KHDC1: variants seen among roughly 807,000 people sequenced by gnomAD.
KHDC1 encodes the protein KH domain containing 1, also known as KH homology domain-containing protein 1.
Under a neutral mutation model 24.7 loss-of-function variants are expected in KHDC1, and 21 were observed. The ratio of observed to expected loss-of-function variants is 0.85; its 90% CI spans 0.60 to 1.23. The LOEUF (loss-of-function observed/expected upper bound fraction) is 1.23, where lower values mean the gene tolerates loss of function less well. KHDC1 is among the 50% of genes most tolerant of loss of function. The pLI is 0.00. For missense variants in KHDC1, 274 were observed against 298.5 expected, an observed-to-expected ratio of 0.92 and a Z score of 0.61; for synonymous variants, 98 against 111.7, an observed-to-expected ratio of 0.88 and a Z score of 0.77.
intron 2 of KHDC1, chr6:73,290,642 G>T: frequency 2.0e-6 from 1 of 499,366 alleles, no homozygotes. Flanking sequence ...GTCATATCCT[G>T]CAGGAATACT....
intron 2 of KHDC1, among the ~76,000 whole-genome samples, chr6:73,289,909 G>A (rs904316616): frequency 1.3e-5 from 2 of 151,640 alleles, no homozygotes; most frequent in Admixed American, 1.3e-4. Context: ...GACCATCCTG[G>A]CTAACAAGGT....
At chr6:73,259,279 G>GTTTTTTTTTTTTTTT (rs1214004322) in intron 2 of KHDC1, among the ~76,000 whole-genome samples, 1 of 107,496 alleles carries the variant, frequency 9.3e-6, no homozygotes, top group Non-Finnish European at 1.8e-5. Flanking sequence ...AATCCAATAT[G>GTTTTTTTTTTTTTTT]CTTTTTTTTT....
At chr6:73,302,337 T>C (rs529533899) in intron 1 of KHDC1, among the ~76,000 whole-genome samples, 11 of 152,264 alleles carry the variant, frequency 7.2e-5, no homozygotes, top group African/African-American at 2.6e-4. Flanking sequence ...TGAATCAAAA[T>C]ACAGTCATGC....
intron 1 of KHDC1, among the ~76,000 whole-genome samples, chr6:73,295,377 A>AT (rs1421141066): frequency 1.3e-5 from 2 of 152,030 alleles, no homozygotes; most frequent in African/African-American, 2.4e-5. Flanking sequence ...AATCTCAGGT[A>AT]TTTTTTTTAC....
rs1347019173 is a variant in KHDC1, at chr6:73,242,049, ACCTACCT to A, written c.513_514+5del. The A allele has an allele frequency of 6.2e-7, 1 of 1,607,962 alleles. No individual in the cohort carries two copies. On this transcript the variant is annotated splice_donor_variant and splice_donor_5th_base_variant and coding_sequence_variant and intron_variant, in exon 4 of 5. Coordinates refer to ENST00000370384, the Ensembl canonical transcript of KHDC1. LOFTEE classifies it high-confidence loss of function. ...CTAAAACCACAGTTCAGCCAAGGAT[ACCTACCT>A]CGAGCATGATGATAGGAGTCCTGGC...
In KHDC1 at chr6:73,297,684, G is replaced by A. The variant is rs377242285; in HGVS notation, c.164-5644C>T. Among the ~76,000 whole-genome samples the A allele has an allele frequency of 3.2e-4, 49 of 152,206 alleles. No homozygotes were observed. In the South Asian group the frequency reaches 8.5e-3, roughly 26 times the overall value. ...AAATTGATTTTTGAACAAAATCAAT[G>A]TATATGCTTTTAAGTGTTCTTTCTT... On this transcript the variant is annotated intron_variant, in intron 1 of 4. Coordinates refer to ENST00000370384, the Ensembl canonical transcript of KHDC1.
chr6:73,281,179 A>T lies in KHDC1; in HGVS notation c.206+10819T>A, dbSNP rs1348325671. Reference sequence around the variant, plus strand: ...ACATGGAGAAACCTTGTCTCTACTAAAAATAGAAATTTAGCCAGGCGTGGT... The same window carrying T: ...ACATGGAGAAACCTTGTCTCTACTATAAATAGAAATTTAGCCAGGCGTGGT... On this transcript the variant is annotated intron_variant, in intron 2 of 4. Transcript: ENST00000370384. Among the ~76,000 whole-genome samples, 9 of 152,176 alleles carry T rather than the reference A, an allele frequency of 5.9e-5. No individual in the cohort carries two copies. The East Asian group carries it at 1.5e-3, about 26-fold the overall frequency.
At chr6:73,300,912 A>C (rs1207724151) in intron 1 of KHDC1, 1 of 152,246 alleles carries the variant, frequency 6.6e-6, no homozygotes, top group Non-Finnish European at 1.5e-5. Context: ...CAAAATCTTG[A>C]GAAGACACGA....
At chr6:73,292,508 G>T in intron 1 of KHDC1, 1 of 769,916 alleles carries the variant, frequency 1.3e-6, no homozygotes, top group Non-Finnish European at 2.4e-6. Flanking sequence ...GCAGAATTGG[G>T]ATGCAGACAT....
intron 4 of KHDC1, 150 bp from the exon 4 acceptor site, chr6:73,241,878 C>T: frequency 9.4e-7 from 1 of 1,065,028 alleles, no homozygotes; most frequent in Admixed American, 2.7e-5. Context: ...GCTACCTCTC[C>T]ACCTTAAGCA....
intron 2 of KHDC1, among the ~76,000 whole-genome samples, chr6:73,289,958 G>T (rs1354445487): frequency 4.2e-5 from 6 of 142,990 alleles, no homozygotes; most frequent in Non-Finnish European, 9.1e-5. Flanking sequence ...AAATTAGCCG[G>T]GCGCGGTGGC....
intron 2 of KHDC1, among the ~76,000 whole-genome samples, chr6:73,261,271 C>T (rs1424797518): frequency 2.6e-5 from 4 of 151,474 alleles, no homozygotes; most frequent in Non-Finnish European, 4.4e-5. Flanking sequence ...GGTGAAACCC[C>T]GTCTTTACTA....
intron 2 of KHDC1, among the ~76,000 whole-genome samples, chr6:73,266,170 A>T (rs1023726389): frequency 6.6e-6 from 1 of 152,190 alleles, no homozygotes; most frequent in Non-Finnish European, 1.5e-5. Context: ...AAATCCAAAG[A>T]TTAGTTGTGA....
chr6:73,286,598 G>A (rs148349390), intron 2 of KHDC1, among the ~76,000 whole-genome samples: 74 of 152,118 alleles, frequency 4.9e-4, no homozygotes, highest in African/African-American at 1.6e-3. Context: ...AGAACCAGAT[G>A]GGGCAGAGCA....
intron 1 of KHDC1, among the ~76,000 whole-genome samples, chr6:73,293,793 G>A (rs990537946): frequency 8.5e-5 from 13 of 152,070 alleles, no homozygotes; most frequent in African/African-American, 3.1e-4. Flanking sequence ...GATCACCTGA[G>A]GTCAAGAGTT....
chr6:73,273,338 T>G (rs1767216629), intron 2 of KHDC1, among the ~76,000 whole-genome samples: 1 of 150,732 alleles, frequency 6.6e-6, no homozygotes, highest in Admixed American at 6.6e-5. Flanking sequence ...CAGCTAATTT[T>G]TGTATTTTCA....
intron 2 of KHDC1, among the ~76,000 whole-genome samples, chr6:73,261,767 C>G (rs889878920): frequency 1.3e-5 from 2 of 152,066 alleles, no homozygotes; most frequent in African/African-American, 4.8e-5. Context: ...CAAAAATTAG[C>G]TGGGCATGGT....
At chr6:73,243,626 C>T (rs1766614909) in intron 2 of KHDC1, among the ~76,000 whole-genome samples, 17 of 152,210 alleles carry the variant, frequency 1.1e-4, no homozygotes, top group Admixed American at 1.1e-3. Flanking sequence ...ATCCTAGCAA[C>T]AGGTTGCAAA....
At chr6:73,278,009 G>GTTTTT (rs70994182) in intron 2 of KHDC1, among the ~76,000 whole-genome samples, 5 of 106,352 alleles carry the variant, frequency 4.7e-5, no homozygotes, top group South Asian at 3.0e-4. Context: ...TCTCTCGGGT[G>GTTTTT]TTTTTTTTTT....
Sources: gnomAD v4.1 joint callset for allele counts (sites outside exome capture counted in the v4.1 genomes callset) on GRCh38, gnomAD v4.1.1 for gene constraint, MANE v1.5 for transcripts, NCBI Gene and HGNC (gene_info 2026-07-23, HGNC 2026-07-21) for gene names.